Variants in RBPMS observed in about 807,000 individuals in gnomAD.
RBPMS encodes RNA binding protein, mRNA processing factor, also known as RNA-binding protein with multiple splicing.
Under a neutral mutation model 26.8 loss-of-function variants are expected in RBPMS, and 7 were observed. The ratio of observed to expected loss-of-function variants is 0.26; its 90% CI spans 0.15 to 0.49. The LOEUF (loss-of-function observed/expected upper bound fraction) is 0.49. Ranked by LOEUF, RBPMS falls within the 20% of genes least tolerant of loss-of-function variation. The probability of loss-of-function intolerance (pLI) is 0.98; values close to 1 mark genes in which losing one functional copy is unlikely to be tolerated. For missense variants in RBPMS, 186 were observed against 250.0 expected (o/e 0.74, Z 1.73); for synonymous variants, 96 against 93.3 (o/e 1.03, Z -0.17).
intron 5 of RBPMS, among the ~76,000 whole-genome samples, chr8:30,541,287 A>C (rs1261161790): frequency 3.3e-5 from 5 of 152,196 alleles, no homozygotes; most frequent in Non-Finnish European, 5.9e-5. Flanking sequence ...AACCTTCATC[A>C]GACGCTCTGC....
intron 1 of RBPMS, among the ~76,000 whole-genome samples, chr8:30,395,351 G>A (rs1315636179): frequency 5.0e-5 from 1 of 20,018 alleles, no homozygotes; most frequent in Non-Finnish European, 7.1e-5. Flanking sequence ...TGTAGTCCCA[G>A]CTACTTAGGA....
At chr8:30,544,971 G>A in intron 6 of RBPMS, 3 of 1,454,956 alleles carry the variant, frequency 2.1e-6, no homozygotes, top group Non-Finnish European at 2.7e-6. Flanking sequence ...TTGTGTGGAA[G>A]GGCTGCAGAG....
chr8:30,560,220 C>T (rs937787989), intron 7 of RBPMS, among the ~76,000 whole-genome samples: 1 of 152,150 alleles, frequency 6.6e-6, no homozygotes, highest in Non-Finnish European at 1.5e-5. Flanking sequence ...GTCAGGTCAC[C>T]TTCAAGATCT....
At chr8:30,496,817 T>C (rs565812313) in intron 4 of RBPMS, among the ~76,000 whole-genome samples, 2 of 152,338 alleles carry the variant, frequency 1.3e-5, no homozygotes, top group Non-Finnish European at 2.9e-5. Context: ...TGCTCTCCAC[T>C]GTAATAGATT....
chr8:30,411,705 C>T (rs1163469163), intron 1 of RBPMS, among the ~76,000 whole-genome samples: 4 of 148,206 alleles, frequency 2.7e-5, no homozygotes, highest in East Asian at 2.0e-4. Flanking sequence ...ATGTTTAGGC[C>T]GGGCACAGTG....
chr8:30,493,862 T>A (rs1448936902), intron 4 of RBPMS, among the ~76,000 whole-genome samples: 1 of 152,204 alleles, frequency 6.6e-6, no homozygotes, highest in East Asian at 1.9e-4. Flanking sequence ...GTTTATCGCT[T>A]CTTCAAAGGC....
chr8:30,558,663 G>A, intron 6 of RBPMS: 1 of 608,332 alleles, frequency 1.6e-6, no homozygotes, highest in Non-Finnish European at 3.0e-6. Context: ...CGAGGTGGGT[G>A]CTTTCCTCAG....
At chr8:30,504,229 T>A (rs945394293) in intron 4 of RBPMS, 57 bp from the exon 5 acceptor site, 4 of 1,598,652 alleles carry the variant, frequency 2.5e-6, no homozygotes, top group Non-Finnish European at 3.4e-6. Context: ...TTTGTCACCA[T>A]TCCGGTTTGA....
chr8:30,566,360 GGTGA>G lies in RBPMS; in HGVS notation c.*111+3_*111+6del. On this transcript the variant is annotated splice_donor_variant and splice_donor_region_variant and intron_variant, in intron 8 of 8. Transcript: ENST00000397323. LOFTEE classifies it low-confidence loss of function (3UTR_SPLICE). ...CTGTTCTACAAAACTGGAGCATGCT[GGTGA>G]GTAACAGTCAGGGCTGAACAAGCCC... 1.2e-6 allele frequency: 1 copy of G among 841,332 alleles called. No homozygotes were observed. Among genetic ancestry groups the G allele is most frequent in the Non-Finnish European group, 1.3e-6 (1 of 746,368 alleles). 52.1% of individuals were successfully genotyped at this position (841,332 alleles called of 1,614,324 possible). A position where few individuals can be genotyped will look rare whatever the true frequency, so the allele number is the denominator to read the frequency against.
intron 7 of RBPMS, chr8:30,562,055 G>A (rs1287503180): frequency 1.0e-6 from 1 of 985,070 alleles, no homozygotes; most frequent in African/African-American, 1.7e-5. Flanking sequence ...AATGGACCAG[G>A]CGCAGTGCCT....
chr8:30,554,831 A>G (rs1192349830), intron 6 of RBPMS, among the ~76,000 whole-genome samples: 3 of 152,212 alleles, frequency 2.0e-5, no homozygotes, highest in African/African-American at 7.2e-5. Flanking sequence ...GTCACCTGCT[A>G]AGCACTTTTC....
intron 1 of RBPMS, among the ~76,000 whole-genome samples, chr8:30,448,667 C>T (rs1814164344): frequency 6.6e-6 from 1 of 152,188 alleles, no homozygotes; most frequent in Non-Finnish European, 1.5e-5. Flanking sequence ...ACCCAGGACT[C>T]ATGTCTTGTT....
chr8:30,438,366 C>T (rs114881529), intron 1 of RBPMS, among the ~76,000 whole-genome samples: 1,577 of 152,184 alleles, frequency 0.01, 31 homozygotes, highest in African/African-American at 0.035. Context: ...GGAGACTGAC[C>T]GTAAGTGGAA....
intron 4 of RBPMS, among the ~76,000 whole-genome samples, chr8:30,484,596 C>T (rs1818598937): frequency 6.6e-6 from 1 of 152,100 alleles, no homozygotes. Context: ...AATGGAAAAA[C>T]TGTATGTAAA....
chr8:30,530,044 C>T (rs1203484788), intron 5 of RBPMS, among the ~76,000 whole-genome samples: 8 of 152,198 alleles, frequency 5.3e-5, no homozygotes, highest in East Asian at 1.9e-4. Flanking sequence ...CGTGAGCCAC[C>T]GCACCCGGCC....
chr8:30,464,329 A>G (rs1816264015), intron 1 of RBPMS, among the ~76,000 whole-genome samples: 1 of 152,190 alleles, frequency 6.6e-6, no homozygotes, highest in East Asian at 1.9e-4. Context: ...AGAACTTTCA[A>G]TTTAAAGGTG....
At chr8:30,524,126 T>C (rs1270897175) in intron 5 of RBPMS, among the ~76,000 whole-genome samples, 1 of 152,160 alleles carries the variant, frequency 6.6e-6, no homozygotes. Context: ...CTTTTATATA[T>C]ATTTTTTATC....
intron 1 of RBPMS, among the ~76,000 whole-genome samples, chr8:30,471,989 A>G (rs1043083899): frequency 2.0e-5 from 3 of 152,338 alleles, no homozygotes; most frequent in South Asian, 2.1e-4. Flanking sequence ...GTTCTGAAAC[A>G]TAAGACAAGG....
Position 30,474,860 on chromosome 8 carries a change from C to A in RBPMS, c.144+4C>A. 3 of 1,582,132 alleles carry A rather than the reference C, an allele frequency of 1.9e-6. No individual in the cohort carries two copies. Among genetic ancestry groups the A allele is most frequent in the Non-Finnish European group, 1.7e-6 (2 of 1,152,526 alleles). On this transcript the variant is annotated splice_donor_region_variant and intron_variant, in intron 2 of 8. Transcript: ENST00000397323. ...TCTGCTTTTCAGACCATTTAAGGTA[C>A]CTTTTTTTATCTTTCAGAAATTATA...
Sources: allele counts gnomAD v4.1 joint callset (sites outside exome capture counted in the v4.1 genomes callset), GRCh38; gene constraint gnomAD v4.1.1; transcripts MANE v1.5; gene names NCBI Gene and HGNC (gene_info 2026-07-23, HGNC 2026-07-21).